PNPT1: variants seen among roughly 807,000 people sequenced by gnomAD.
PNPT1 encodes polyribonucleotide nucleotidyltransferase 1, mitochondrial.
A neutral mutation model predicts 119.5 loss-of-function variants in PNPT1; 53 were observed. The observed-to-expected ratio is 0.44, with a 90% confidence interval of 0.36 to 0.56. The LOEUF (loss-of-function observed/expected upper bound fraction) is 0.56, where lower values mean the gene tolerates loss of function less well. PNPT1 is among the 20% of genes least tolerant of loss of function. The pLI, the probability that PNPT1 is intolerant of heterozygous loss-of-function variation, is 0.00. For missense variants in PNPT1, 948 were observed against 938.5 expected (o/e 1.01, Z -0.13); for synonymous variants, 357 against 322.1 (o/e 1.11, Z -1.16).
intron 3 of PNPT1, among the ~76,000 whole-genome samples, 186 bp from the exon 4 acceptor site, chr2:55,685,234 T>C (rs575335102): frequency 3.5e-4 from 53 of 152,292 alleles, no homozygotes; most frequent in African/African-American, 1.3e-3. Flanking sequence ...GCAAAGTGAT[T>C]TTAAAAAACG....
intron 1 of PNPT1, among the ~76,000 whole-genome samples, chr2:55,691,833 T>C (rs1697610155): frequency 2.1e-5 from 3 of 145,206 alleles, no homozygotes; most frequent in Middle Eastern, 7.4e-3. Flanking sequence ...TATATTACTC[T>C]TCAATTAAAA....
rs1181864613 is a variant in PNPT1 at position 55,693,752 on chromosome 2, T to C, written c.72A>G (p.Pro24=). The change falls in exon 1 of 28, where the codon CCA becomes CCG. Residue 24 remains proline, a synonymous_variant. Coordinates refer to ENST00000447944, the MANE Select transcript of PNPT1 (RefSeq NM_033109.5). ...RPLSDGPFLL[P]RRDRALTQLQ... ...ACTGGGTGAGTGCCCGATCCCGCCGTGGCAGAAGGAAAGGACCATCGCTCA... is the reference window on the plus strand; with the variant it reads ...ACTGGGTGAGTGCCCGATCCCGCCGCGGCAGAAGGAAAGGACCATCGCTCA... The C allele has an allele frequency of 1.9e-6, 3 of 1,614,158 alleles. No individual in the cohort carries two copies. Among genetic ancestry groups the C allele is most frequent in the East Asian group, 4.5e-5 (2 of 44,872 alleles).
intron 18 of PNPT1, among the ~76,000 whole-genome samples, chr2:55,653,840 C>T (rs1345811296): frequency 3.3e-5 from 5 of 152,098 alleles, no homozygotes; most frequent in East Asian, 1.9e-4. Context: ...TCTTTCATGC[C>T]AGTACTGTAA....
intron 18 of PNPT1, among the ~76,000 whole-genome samples, chr2:55,650,951 A>G (rs13006312): frequency 1.1e-3 from 107 of 94,622 alleles, no homozygotes; most frequent in African/African-American, 1.6e-3. Flanking sequence ...AGGTGGGGGG[A>G]TCAGCCCCCC....
At chr2:55,649,562 G>T (rs1009249262) in intron 18 of PNPT1, among the ~76,000 whole-genome samples, 5 of 152,146 alleles carry the variant, frequency 3.3e-5, no homozygotes, top group African/African-American at 7.2e-5. Flanking sequence ...TGGCTTCCCA[G>T]ATTTTACTTT....
intron 9 of PNPT1, 59 bp from the exon 10 acceptor site, chr2:55,672,105 T>C: frequency 7.9e-7 from 1 of 1,263,250 alleles, no homozygotes; most frequent in Non-Finnish European, 1.1e-6. Flanking sequence ...AGGCAGTTTC[T>C]ATTATAAACA....
intron 21 of PNPT1, 60 bp from the exon 22 acceptor site, chr2:55,645,492 T>C (rs1695968393): frequency 3.6e-6 from 4 of 1,108,472 alleles, no homozygotes; most frequent in Middle Eastern, 2.0e-4. Flanking sequence ...TGAAATACTG[T>C]ACTCTTAGTT....
chr2:55,650,141 CACCTCTACCTCTACCTCT>C (rs75906141), intron 18 of PNPT1, among the ~76,000 whole-genome samples: 1 of 149,822 alleles, frequency 6.7e-6, no homozygotes. Context: ...TCCCTCTCTC[CACCTCTACCTCTACCTCT>C]ACCTCTACCT....
At chr2:55,658,082 T>A (rs2104079540) in intron 15 of PNPT1, among the ~76,000 whole-genome samples, 1 of 151,304 alleles carries the variant, frequency 6.6e-6, no homozygotes, top group African/African-American at 2.4e-5. Flanking sequence ...GTAAAAAATC[T>A]AAAAATTAGC....
chr2:55,638,830 A>G (rs553546156), intron 26 of PNPT1, among the ~76,000 whole-genome samples: 40 of 151,492 alleles, frequency 2.6e-4, no homozygotes, highest in Non-Finnish European at 4.4e-4. Context: ...GCTGGAGTAC[A>G]GTAGCATGAT....
intron 1 of PNPT1, among the ~76,000 whole-genome samples, chr2:55,688,694 C>T (rs1697497232): frequency 6.6e-6 from 1 of 151,970 alleles, no homozygotes; most frequent in Non-Finnish European, 1.5e-5. Flanking sequence ...CAATGCAGTC[C>T]AGCCTGGGTG....
At chr2:55,638,267 A>G (rs987236085) in intron 26 of PNPT1, among the ~76,000 whole-genome samples, 1 of 151,372 alleles carries the variant, frequency 6.6e-6, no homozygotes, top group African/African-American at 2.4e-5. Flanking sequence ...ATGCCACTGC[A>G]TTCCAGCCTG....
intron 18 of PNPT1, among the ~76,000 whole-genome samples, chr2:55,648,241 C>T (rs1184798280): frequency 6.6e-6 from 1 of 152,162 alleles, no homozygotes; most frequent in Non-Finnish European, 1.5e-5. Flanking sequence ...TACTGTTCTG[C>T]ACCTTGCCTT....
At chr2:55,668,177 C>T (rs1696798956) in intron 11 of PNPT1, among the ~76,000 whole-genome samples, 1 of 152,194 alleles carries the variant, frequency 6.6e-6, no homozygotes, top group Non-Finnish European at 1.5e-5. Flanking sequence ...TTATTGTGAA[C>T]TTAGTTTGTT....
intron 1 of PNPT1, among the ~76,000 whole-genome samples, chr2:55,692,397 ATTTT>A (rs1255111351): frequency 6.6e-6 from 1 of 152,134 alleles, no homozygotes; most frequent in Non-Finnish European, 1.5e-5. Flanking sequence ...ATTCAAAATG[ATTTT>A]TTTGCTTTTT....
intron 4 of PNPT1, among the ~76,000 whole-genome samples, chr2:55,684,044 T>A (rs895442177): frequency 2.0e-5 from 3 of 152,174 alleles, no homozygotes; most frequent in Non-Finnish European, 2.9e-5. Flanking sequence ...AGAAGCACAT[T>A]AACAATAAAG....
intron 27 of PNPT1, among the ~76,000 whole-genome samples, chr2:55,637,326 C>T (rs150485197): frequency 1.8e-4 from 28 of 152,290 alleles, no homozygotes; most frequent in African/African-American, 5.3e-4. Flanking sequence ...TTTAAACGAA[C>T]TAAGGGTGAC....
At chr2:55,674,644 T>C (rs1444116844) in intron 8 of PNPT1, among the ~76,000 whole-genome samples, 1 of 152,146 alleles carries the variant, frequency 6.6e-6, no homozygotes, top group Admixed American at 6.5e-5. Flanking sequence ...AGCAATAAGC[T>C]TTTCTTTCCC....
At chr2:55,686,887 T>G (rs1310811142) in intron 2 of PNPT1, among the ~76,000 whole-genome samples, 2 of 152,130 alleles carry the variant, frequency 1.3e-5, no homozygotes, top group Non-Finnish European at 2.9e-5. Flanking sequence ...TGCAGCACTT[T>G]GCGGGGGCAA....
Sources: gnomAD v4.1 joint callset for allele counts (sites outside exome capture counted in the v4.1 genomes callset) on GRCh38, gnomAD v4.1.1 for gene constraint, MANE v1.5 for transcripts, NCBI Gene and HGNC (gene_info 2026-07-23, HGNC 2026-07-21) for gene names.